The following SORCS2 variants were observed in gnomAD, a reference collection of about 807,000 sequenced individuals.
SORCS2 encodes the protein VPS10 domain-containing receptor SorCS2.
A neutral mutation model predicts 141.6 loss-of-function variants in SORCS2; 100 were observed. The ratio of observed to expected loss-of-function variants is 0.71; its 90% CI spans 0.60 to 0.83. The LOEUF is 0.83. Ranked by LOEUF, SORCS2 falls within the 40% of genes least tolerant of loss-of-function variation. SORCS2 has a pLI of 0.00. For synonymous variants in SORCS2, 789 were observed against 676.9 expected (o/e 1.17, Z -2.57); for missense variants, 1,646 against 1,560.2 (o/e 1.05, Z -0.93).
chr4:7,625,975 CAA>C (rs1355101742), intron 3 of SORCS2, among the ~76,000 whole-genome samples: 1 of 151,782 alleles, frequency 6.6e-6, no homozygotes, highest in South Asian at 2.1e-4. Context: ...CCTGTCTCTA[CAA>C]AAAAATTAAA....
chr4:7,740,200 G>T lies in SORCS2; in HGVS notation c.3416G>T (p.Gly1139Val). The T allele has an allele frequency of 6.2e-7, 1 of 1,607,348 alleles. No individual in the cohort carries two copies. ...HSEDVQGAVQGNHSGVVLSIN... is the reference protein window; with the variant it reads ...HSEDVQGAVQVNHSGVVLSIN... ...GACCTGCGTCTCTTCTGTTTCCTAG[G>T]CAACCACTCAGGCGTGGTCCTGAGC... The change falls in exon 27 of 27, where the codon GGC becomes GTC. Residue 1139 changes from glycine (G) to valine (V), a missense_variant and splice_region_variant. By Grantham distance (109) the Gly-to-Val change is moderately radical. Transcript: ENST00000507866.
At chr4:7,560,530 A>T (rs1714459271) in intron 3 of SORCS2, among the ~76,000 whole-genome samples, 1 of 152,128 alleles carries the variant, frequency 6.6e-6, no homozygotes, top group South Asian at 2.1e-4. Context: ...GCATAGGAGA[A>T]GTGCTCGTAG....
chr4:7,397,274 T>G (rs1315497547), intron 2 of SORCS2, among the ~76,000 whole-genome samples: 1 of 152,184 alleles, frequency 6.6e-6, no homozygotes, highest in African/African-American at 2.4e-5. Context: ...TGCAATGCTC[T>G]GGGAAGTTGT....
intron 3 of SORCS2, among the ~76,000 whole-genome samples, chr4:7,552,138 C>T: frequency 6.6e-6 from 1 of 152,232 alleles, no homozygotes; most frequent in Middle Eastern, 3.2e-3. Flanking sequence ...TCCTGCTACA[C>T]TTTGAACAAA....
chr4:7,554,928 C>T (rs1713993819), intron 3 of SORCS2, among the ~76,000 whole-genome samples: 1 of 152,158 alleles, frequency 6.6e-6, no homozygotes, highest in Non-Finnish European at 1.5e-5. Flanking sequence ...GGAAGTAGGG[C>T]AGGTGAAGTC....
intron 2 of SORCS2, among the ~76,000 whole-genome samples, chr4:7,402,921 C>T (rs1724690666): frequency 6.6e-6 from 1 of 151,964 alleles, no homozygotes; most frequent in African/African-American, 2.4e-5. Context: ...TTAACTTTTT[C>T]TTGACCCGTA....
rs1377147024 is a variant in SORCS2 at position 7,444,652 on chromosome 4, T to C, written c.548+48297T>C. On this transcript the variant is annotated intron_variant, in intron 2 of 26. Coordinates refer to ENST00000507866, the MANE Select transcript of SORCS2 (RefSeq NM_020777.3). ...GTAGTGGGGAGCCATAGCAGGGTTT[T>C]GAGCAGAGGGCTGACATGATCCCAT... is the stretch of plus-strand genomic sequence containing the variant. Among the ~76,000 whole-genome samples the C allele has an allele frequency of 2.6e-5, 4 of 152,276 alleles. No individual in the cohort carries two copies. The East Asian group carries it at 7.7e-4, about 29-fold the overall frequency.
intron 5 of SORCS2, among the ~76,000 whole-genome samples, chr4:7,659,831 A>G (rs1722037445): frequency 6.6e-6 from 1 of 152,032 alleles, no homozygotes; most frequent in Admixed American, 6.6e-5. Flanking sequence ...TCTCCCCCCC[A>G]CCACTGTCCC....
chr4:7,397,780 G>C (rs1327261625), intron 2 of SORCS2, among the ~76,000 whole-genome samples: 2 of 152,200 alleles, frequency 1.3e-5, no homozygotes, highest in South Asian at 4.1e-4. Context: ...GACAGGGCAG[G>C]CCCAGGGAGG....
At chr4:7,550,641 G>A (rs575083414) in intron 3 of SORCS2, among the ~76,000 whole-genome samples, 1 of 152,326 alleles carries the variant, frequency 6.6e-6, no homozygotes, top group South Asian at 2.1e-4. Context: ...AGAACCCAAT[G>A]TCTGCCCACC....
intron 18 of SORCS2, among the ~76,000 whole-genome samples, chr4:7,718,395 A>C (rs1653177834): frequency 6.6e-6 from 1 of 152,148 alleles, no homozygotes; most frequent in African/African-American, 2.4e-5. Context: ...AGAGACATGA[A>C]GGAGAATAGA....
chr4:7,470,740 G>GGCGCCA (rs1025754274), intron 2 of SORCS2, among the ~76,000 whole-genome samples: 21 of 152,242 alleles, frequency 1.4e-4, no homozygotes, highest in African/African-American at 4.8e-4. Flanking sequence ...ACAAAGCCCT[G>GGCGCCA]GCCCCAGCCC....
At chr4:7,666,906 T>C (rs534438664) in intron 7 of SORCS2, among the ~76,000 whole-genome samples, 1 of 152,184 alleles carries the variant, frequency 6.6e-6, no homozygotes, top group South Asian at 2.1e-4. Context: ...AAGAAGTTAG[T>C]TCTGACTGAA....
chr4:7,412,368 C>T (rs1725375405), intron 2 of SORCS2, among the ~76,000 whole-genome samples: 1 of 152,194 alleles, frequency 6.6e-6, no homozygotes, highest in African/African-American at 2.4e-5. Context: ...CTGCTCCAGC[C>T]AGAGCGTTTG....
At position 7,454,277 on chromosome 4, in the gene SORCS2, C is replaced by T. The variant is rs1415830962; in HGVS notation, c.548+57922C>T. ...CAGGCTCTGTGTTGGGGTCAGGCTC[C>T]GTGTTGGGGTCAGGCGCTGTGTTGG... is the stretch of plus-strand genomic sequence containing the variant. On this transcript the variant is annotated intron_variant, in intron 2 of 26. Coordinates refer to ENST00000507866, the MANE Select transcript of SORCS2 (RefSeq NM_020777.3). Among the ~76,000 whole-genome samples the T allele has an allele frequency of 1.5e-3, 61 of 40,318 alleles. 1 individual carries two copies. The highest frequency in any genetic ancestry group is 3.5e-3 in the South Asian group (4 of 1,142). 26.5% of individuals were successfully genotyped at this position (40,318 alleles called of 152,430 possible).
At chr4:7,704,349 C>G (rs1409191952) in intron 14 of SORCS2, 65 bp downstream of exon 14, 1 of 1,374,974 alleles carries the variant, frequency 7.3e-7, no homozygotes, top group Non-Finnish European at 9.9e-7. Context: ...CCTCCCTGGG[C>G]CTACTGTGTC....
chr4:7,480,989 G>A (rs372503151), intron 2 of SORCS2, among the ~76,000 whole-genome samples: 19 of 152,368 alleles, frequency 1.2e-4, no homozygotes, highest in African/African-American at 3.1e-4. Flanking sequence ...GAGAGGTGGC[G>A]AAATCCTGAG....
Position 7,740,386 on chromosome 4 carries a change from AGGC to A in SORCS2, c.*124_*126del. The A allele has an allele frequency of 4.7e-6, 4 of 846,330 alleles. No homozygotes were observed. The highest frequency in any genetic ancestry group is 7.6e-6 in the Non-Finnish European group (4 of 529,244). 52.4% of individuals were successfully genotyped at this position (846,330 alleles called of 1,614,324 possible). A position where few individuals can be genotyped will look rare whatever the true frequency, so the allele number is the denominator to read the frequency against. The stretch of plus-strand genomic sequence containing the variant: ...CCCCTCCCTGAGTCGTCGCCACACC[AGGC>A]GACAGGCACCACCCCCTCTGATAAA... On this transcript the variant is annotated 3_prime_UTR_variant, in exon 27 of 27. Coordinates refer to ENST00000507866, the MANE Select transcript of SORCS2 (RefSeq NM_020777.3).
In SORCS2 at chr4:7,714,337, C is replaced by T. The variant is rs755717656; in HGVS notation, c.2087C>T (p.Ser696Phe). ...KGRSFTSALT[S>F]RVCECRDSDF... ...AGGAGCTTCACGTCGGCGCTCACGTCCCGCGTGTGCGAGTGCCGGGACTCG... is the reference window on the plus strand; with the variant it reads ...AGGAGCTTCACGTCGGCGCTCACGTTCCGCGTGTGCGAGTGCCGGGACTCG... The change falls in exon 16 of 27, where the codon TCC (serine) becomes TTC (phenylalanine). Residue 696 changes from serine (S) to phenylalanine (F), a missense_variant. Transcript: ENST00000507866. 1.9e-6 allele frequency: 3 copies of T among 1,568,610 alleles called. No individual in the cohort carries two copies. The East Asian group carries it at 7.1e-5, about 37-fold the overall frequency.
Sources: gnomAD v4.1 joint callset for allele counts (sites outside exome capture counted in the v4.1 genomes callset) on GRCh38, gnomAD v4.1.1 for gene constraint, MANE v1.5 for transcripts, NCBI Gene and HGNC (gene_info 2026-07-23, HGNC 2026-07-21) for gene names.